The following ATP8A2 variants were observed in gnomAD, a reference collection of about 807,000 sequenced individuals.
The protein encoded by ATP8A2 is ATPase phospholipid transporting 8A2.
Under a neutral mutation model 165.6 loss-of-function variants are expected in ATP8A2, and 100 were observed. The observed-to-expected ratio is 0.60, with a 90% confidence interval of 0.51 to 0.71. ATP8A2 has a LOEUF of 0.71. Among genes scored for constraint, ATP8A2 ranks in the 30% least tolerant of loss-of-function variants. The probability of loss-of-function intolerance (pLI) is 0.00; values close to 1 mark genes in which losing one functional copy is unlikely to be tolerated. For missense variants in ATP8A2, 1,227 were observed against 1,479.5 expected (o/e 0.83, Z 2.80); for synonymous variants, 543 against 548.8 (o/e 0.99, Z 0.15).
At chr13:25,759,565 T>C (rs559934427) in intron 25 of ATP8A2, among the ~76,000 whole-genome samples, 3 of 152,324 alleles carry the variant, frequency 2.0e-5, no homozygotes, top group South Asian at 4.1e-4. Context: ...TGAGAGGGTC[T>C]TGGGGGCCTT....
chr13:26,012,095 A>G (rs1161304020), intron 35 of ATP8A2, among the ~76,000 whole-genome samples: 1 of 152,166 alleles, frequency 6.6e-6, no homozygotes, highest in Non-Finnish European at 1.5e-5. Context: ...TTGGGGTTCA[A>G]AATAATCAAG....
intron 24 of ATP8A2, among the ~76,000 whole-genome samples, chr13:25,693,881 C>T (rs9581426): frequency 0.11 from 15,917 of 151,236 alleles, 960 homozygotes; most frequent in East Asian, 0.26. Context: ...TTGTTGTTGT[C>T]TGGAGATGGA....
At chr13:25,689,289 C>T (rs1268261516) in intron 24 of ATP8A2, among the ~76,000 whole-genome samples, 1 of 152,170 alleles carries the variant, frequency 6.6e-6, no homozygotes, top group Non-Finnish European at 1.5e-5. Context: ...TATGTGCTGC[C>T]TATGCTGACA....
At chr13:25,790,383 A>G (rs867868450) in intron 27 of ATP8A2, among the ~76,000 whole-genome samples, 1 of 152,136 alleles carries the variant, frequency 6.6e-6, no homozygotes, top group African/African-American at 2.4e-5. Context: ...ACAGGAAAAA[A>G]AGAACAACCC....
At position 25,912,364 on chromosome 13, in the gene ATP8A2, T is replaced by C. The variant is rs573261522; in HGVS notation, c.3184-49211T>C. 5.3e-5 allele frequency among the ~76,000 whole-genome samples: 8 copies of C among 151,648 alleles called. No homozygotes were observed. The South Asian group carries it at 1.7e-3, about 32-fold the overall frequency. On this transcript the variant is annotated intron_variant, in intron 33 of 36. Coordinates refer to ENST00000381655, the MANE Select transcript of ATP8A2 (RefSeq NM_016529.6). ...CAATCAAACTGAAAGATGCAGGGAG[T>C]AGAATGGAGGTTATCAGAGGCTGGG...
At chr13:25,696,532 T>G (rs1239612522) in intron 24 of ATP8A2, among the ~76,000 whole-genome samples, 1 of 152,210 alleles carries the variant, frequency 6.6e-6, no homozygotes, top group Non-Finnish European at 1.5e-5. Flanking sequence ...TTGCTGCAGC[T>G]TCCTCGTCAG....
At chr13:25,994,068 G>A (rs74039945) in intron 35 of ATP8A2, among the ~76,000 whole-genome samples, 2,965 of 151,994 alleles carry the variant, frequency 0.02, 84 homozygotes, top group African/African-American at 0.06. Context: ...CTCTGTTTGC[G>A]CCTCAGTATT....
intron 1 of ATP8A2, among the ~76,000 whole-genome samples, chr13:25,465,737 TTCCCTCCCTCCCTC>T (rs2035641063): frequency 1.8e-4 from 1 of 5,602 alleles, no homozygotes; most frequent in Non-Finnish European, 6.4e-4. Context: ...CTTTCTTTCT[TTCCCTCCCTCCCTC>T]TCTCTCTCTC....
intron 33 of ATP8A2, among the ~76,000 whole-genome samples, chr13:25,910,676 TG>T (rs1954078509): frequency 6.6e-6 from 1 of 152,230 alleles, no homozygotes; most frequent in African/African-American, 2.4e-5. Flanking sequence ...AAAGTGTTTT[TG>T]TTTTCCAGTT....
At chr13:25,942,105 T>C (rs1955087019) in intron 33 of ATP8A2, among the ~76,000 whole-genome samples, 1 of 152,224 alleles carries the variant, frequency 6.6e-6, no homozygotes. Flanking sequence ...AAAAAACAAC[T>C]GTTTTTGAAG....
chr13:25,508,715 A>T (rs1266466688), intron 2 of ATP8A2, among the ~76,000 whole-genome samples: 1 of 152,234 alleles, frequency 6.6e-6, no homozygotes, highest in African/African-American at 2.4e-5. Context: ...AATCACTTAC[A>T]TATTTGTATT....
intron 24 of ATP8A2, among the ~76,000 whole-genome samples, chr13:25,632,440 G>A (rs555983594): frequency 1.3e-5 from 2 of 152,206 alleles, no homozygotes; most frequent in African/African-American, 4.8e-5. Flanking sequence ...GTGACCTAGG[G>A]GTCACTGGTA....
At chr13:25,633,274 C>T (rs2041288547) in intron 24 of ATP8A2, among the ~76,000 whole-genome samples, 1 of 152,164 alleles carries the variant, frequency 6.6e-6, no homozygotes, top group African/African-American at 2.4e-5. Flanking sequence ...TTCCTTCCCT[C>T]CTGGAGGCTT....
intron 1 of ATP8A2, among the ~76,000 whole-genome samples, chr13:25,402,327 G>T (rs142090387): frequency 6.6e-6 from 1 of 152,192 alleles, no homozygotes; most frequent in Non-Finnish European, 1.5e-5. Flanking sequence ...AAAGCAAAAC[G>T]GTGGGTCAAG....
chr13:25,776,242 G>T (rs1188931404), intron 27 of ATP8A2, among the ~76,000 whole-genome samples: 1 of 152,212 alleles, frequency 6.6e-6, no homozygotes, highest in Non-Finnish European at 1.5e-5. Flanking sequence ...AAAGCCCCTT[G>T]TGGGCTGGGG....
intron 24 of ATP8A2, among the ~76,000 whole-genome samples, chr13:25,637,285 G>C (rs1269941762): frequency 6.6e-6 from 1 of 152,048 alleles, no homozygotes; most frequent in Non-Finnish European, 1.5e-5. Context: ...GCAGCCCAAC[G>C]AGCATGAGCT....
intron 33 of ATP8A2, among the ~76,000 whole-genome samples, chr13:25,932,059 A>G (rs1333249318): frequency 1.3e-5 from 2 of 151,508 alleles, no homozygotes; most frequent in Non-Finnish European, 2.9e-5. Context: ...AAAAAAAAAA[A>G]AAAGAAAGAA....
In ATP8A2 at chr13:25,469,114, C is replaced by G. The variant is rs1411547070; in HGVS notation, c.214C>G (p.Gln72Glu). The G allele has an allele frequency of 6.2e-7, 1 of 1,613,830 alleles. No homozygotes were observed. The highest frequency in any genetic ancestry group is 1.3e-5 in the African/African-American group (1 of 74,942). The change falls in exon 2 of 37, where the codon CAG becomes GAG. Residue 72 changes from glutamine to glutamate, a missense_variant. By Grantham distance (29) the Gln-to-Glu change is conservative. Around this residue, in one of 5 missense-constraint regions of ATP8A2, gnomAD observed 356 missense variants for 394.9 expected, o/e 0.90. Transcript: ENST00000381655. ...QPHLNKFRDNQISTAKYSVLT... is the reference protein window; with the variant it reads ...QPHLNKFRDNEISTAKYSVLT... ...GCATCTCAACAAATTCCGCGACAAC[C>G]AGATCAGGTAGGAGAAGGCGGCCGG...
At chr13:25,978,753 A>G (rs902179260) in intron 35 of ATP8A2, among the ~76,000 whole-genome samples, 12 of 152,126 alleles carry the variant, frequency 7.9e-5, no homozygotes, top group African/African-American at 2.7e-4. Context: ...CATCCTGGCA[A>G]ACACGTTAAA....
Sources: allele counts gnomAD v4.1 joint callset (sites outside exome capture counted in the v4.1 genomes callset), GRCh38; gene constraint gnomAD v4.1.1; regional missense constraint gnomAD v4.1.1; transcripts MANE v1.5; gene names NCBI Gene and HGNC (gene_info 2026-07-23, HGNC 2026-07-21).